Variants in WDR41 observed in about 807,000 individuals in gnomAD.
WDR41 encodes WD repeat domain 41, also known as WD repeat-containing protein 41.
Under a neutral mutation model 69.3 loss-of-function variants are expected in WDR41, and 63 were observed. The observed-to-expected ratio is 0.91, with a 90% CI of 0.74 to 1.12. WDR41 has a LOEUF of 1.12. Among genes scored for constraint, WDR41 ranks in the 50% most tolerant of loss-of-function variants. The pLI, the probability that WDR41 is intolerant of heterozygous loss-of-function variation, is 0.00. For synonymous variants in WDR41, 185 were observed against 192.1 expected, an observed-to-expected ratio of 0.96 and a Z score of 0.31; for missense variants, 543 against 534.5, an observed-to-expected ratio of 1.02 and a Z score of -0.16.
intron 1 of WDR41, among the ~76,000 whole-genome samples, chr5:77,538,507 C>G (rs1172168333): frequency 6.6e-6 from 1 of 152,150 alleles, no homozygotes; most frequent in African/African-American, 2.4e-5. Flanking sequence ...TCTTTATGTC[C>G]AGGTGTATCC....
At position 77,473,279 on chromosome 5, in the gene WDR41, C is replaced by A. The variant is rs181339014; in HGVS notation, c.168-8470G>T. Among the ~76,000 whole-genome samples, 263 of 152,246 alleles carry A rather than the reference C, an allele frequency of 1.7e-3. 1 individual carries two copies. Among genetic ancestry groups the A allele is most frequent in the African/African-American group, 5.5e-3 (230 of 41,556 alleles). On this transcript the variant is annotated intron_variant, in intron 2 of 12. Transcript: ENST00000296679. ...AAACTGGATCCCTTCCTTACACCTT[C>A]TACAAAAATTAATTCAAGATGGGTT...
chr5:77,583,467 G>GT (rs1743979034), intron 1 of WDR41, among the ~76,000 whole-genome samples: 1 of 150,630 alleles, frequency 6.6e-6, no homozygotes, highest in African/African-American at 2.4e-5. Context: ...AGTTGAGATC[G>GT]TACCACCACA....
chr5:77,512,331 T>TGAGAGAGAGAGAAAGAGAGAGAGA lies in WDR41; in HGVS notation c.43-22760_43-22759insTCTCTCTCTCTTTCTCTCTCTCTC, dbSNP rs59306558. ...ATGGTCTGTAATTACATGGGGTGAG[T>TGAGAGAGAGAGAAAGAGAGAGAGA]GAGAGAGAGAGAGAGAGAGAGTGAG... On this transcript the variant is annotated intron_variant, in intron 1 of 5. Transcript: ENST00000509971. Among the ~76,000 whole-genome samples, 323 of 87,726 alleles carry TGAGAGAGAGAGAAAGAGAGAGAGA rather than the reference T, an allele frequency of 3.7e-3. 2 individuals carry two copies. The highest frequency in any genetic ancestry group is 0.012 in the Middle Eastern group (2 of 164). The allele number at this position is 87,726 out of a possible 152,430, so 57.6% of individuals were successfully genotyped here.
intron 1 of WDR41, chr5:77,582,546 T>A: frequency 6.3e-7 from 1 of 1,599,312 alleles, no homozygotes; most frequent in South Asian, 1.1e-5. Context: ...CAAAGCACTA[T>A]CACAAGGAAT....
upstream of WDR41, among the ~76,000 whole-genome samples, chr5:77,497,041 T>C (rs1801945371): frequency 1.3e-5 from 2 of 152,168 alleles, no homozygotes; most frequent in African/African-American, 2.4e-5. Context: ...ACTGGATCTC[T>C]ACACATAAAA....
chr5:77,552,584 C>G (rs1170803496), intron 1 of WDR41, among the ~76,000 whole-genome samples: 2 of 152,220 alleles, frequency 1.3e-5, no homozygotes, highest in Middle Eastern at 3.4e-3. Context: ...ATAGCTAGAG[C>G]AATCTTGATA....
At chr5:77,472,628 T>C (rs1800679928) in intron 2 of WDR41, among the ~76,000 whole-genome samples, 1 of 151,700 alleles carries the variant, frequency 6.6e-6, no homozygotes, top group Non-Finnish European at 1.5e-5. Context: ...TTTACACCAA[T>C]AACAGACAGA....
At chr5:77,538,807 T>C (rs1166400152) in intron 1 of WDR41, among the ~76,000 whole-genome samples, 1 of 152,200 alleles carries the variant, frequency 6.6e-6, no homozygotes, top group Non-Finnish European at 1.5e-5. Context: ...ATCAGGATAA[T>C]TATATTGGCC....
At chr5:77,581,879 C>A (rs1012950655) in intron 1 of WDR41, among the ~76,000 whole-genome samples, 2 of 151,972 alleles carry the variant, frequency 1.3e-5, no homozygotes, top group Non-Finnish European at 2.9e-5. Flanking sequence ...GCTGCAAAAG[C>A]CCACATTAAA....
At chr5:77,475,480 G>A (rs539558881) in intron 2 of WDR41, among the ~76,000 whole-genome samples, 134 of 152,288 alleles carry the variant, frequency 8.8e-4, no homozygotes, top group African/African-American at 2.9e-3. Flanking sequence ...ATCTGACAAC[G>A]GGCAGACTGC....
intron 2 of WDR41, among the ~76,000 whole-genome samples, chr5:77,467,530 TATG>T (rs1485555193): frequency 1.3e-5 from 2 of 152,018 alleles, no homozygotes; most frequent in African/African-American, 2.4e-5. Flanking sequence ...CACACAATTA[TATG>T]ATGTGTCCAA....
At chr5:77,438,168 G>C in intron 10 of WDR41, 72 bp downstream of exon 10, 1 of 1,595,310 alleles carries the variant, frequency 6.3e-7, no homozygotes, top group Non-Finnish European at 8.5e-7. Flanking sequence ...TTGGCCACTT[G>C]AGAAATTACA....
intron 8 of WDR41, among the ~76,000 whole-genome samples, chr5:77,444,224 C>T (rs1343235936): frequency 2.0e-5 from 3 of 152,204 alleles, no homozygotes; most frequent in African/African-American, 7.2e-5. Context: ...CAAACTAATT[C>T]CCAAACAGGT....
At chr5:77,442,915 G>GAAAAAAAAAAAAAAAA (rs1799231024) in intron 8 of WDR41, among the ~76,000 whole-genome samples, 1 of 64,798 alleles carries the variant, frequency 1.5e-5, no homozygotes, top group Non-Finnish European at 2.8e-5. Context: ...AAAAAAAAAG[G>GAAAAAAAAAAAAAAAA]ATTTTTTTCC....
At chr5:77,441,563 A>G (rs1021675418) in intron 8 of WDR41, among the ~76,000 whole-genome samples, 2 of 152,054 alleles carry the variant, frequency 1.3e-5, no homozygotes, top group African/African-American at 4.8e-5. Context: ...ATATGGTGAA[A>G]CCCCATCTCT....
At chr5:77,562,632 G>T (rs893915115) in intron 1 of WDR41, among the ~76,000 whole-genome samples, 1 of 152,136 alleles carries the variant, frequency 6.6e-6, no homozygotes, top group Non-Finnish European at 1.5e-5. Context: ...AATTGTTCTA[G>T]AAAGAGAGGA....
At chr5:77,453,070 C>T (rs1239697408) in intron 6 of WDR41, among the ~76,000 whole-genome samples, 1 of 152,054 alleles carries the variant, frequency 6.6e-6, no homozygotes, top group Non-Finnish European at 1.5e-5. Flanking sequence ...TTTAGTTTTC[C>T]TAAGTCATTA....
chr5:77,583,219 T>A, intron 1 of WDR41: 1 of 718,630 alleles, frequency 1.4e-6, no homozygotes, highest in Non-Finnish European at 2.3e-6. Context: ...GTTGAATTAG[T>A]AATTAAAAAA....
At position 77,503,578 on chromosome 5, in the gene WDR41, T is replaced by C. The variant is rs545575300; in HGVS notation, c.43-14006A>G. On this transcript the variant is annotated intron_variant, in intron 1 of 5. Transcript: ENST00000509971. ...CCAAAATTAACAGAATGTACATTCT[T>C]CTCAGCACCACATCACACTTATTCT... Among the ~76,000 whole-genome samples the C allele has an allele frequency of 3.3e-5, 5 of 152,324 alleles. No individual in the cohort carries two copies. The South Asian group carries it at 6.2e-4, about 19-fold the overall frequency.
Sources: allele counts gnomAD v4.1 joint callset (sites outside exome capture counted in the v4.1 genomes callset), GRCh38; gene constraint gnomAD v4.1.1; transcripts MANE v1.5; gene names NCBI Gene and HGNC (gene_info 2026-07-23, HGNC 2026-07-21).